Variants in AGO3 observed in about 807,000 individuals in gnomAD.
AGO3 encodes argonaute RISC catalytic component 3.
AGO3 carries 16 observed loss-of-function variants against 105.5 expected under a neutral mutation model. The observed-to-expected ratio is 0.15, with a 90% CI of 0.10 to 0.23. The LOEUF is 0.23. AGO3 is among the 10% of genes least tolerant of loss of function. The pLI is 1.00. For missense variants in AGO3, 534 were observed against 1,088.0 expected, an observed-to-expected ratio of 0.49 and a Z score of 7.16; for synonymous variants, 340 against 367.3, an observed-to-expected ratio of 0.93 and a Z score of 0.85.
At chr1:35,952,134 T>C (rs1646482308) in intron 2 of AGO3, among the ~76,000 whole-genome samples, 1 of 115,748 alleles carries the variant, frequency 8.6e-6, no homozygotes, top group African/African-American at 4.1e-5. Context: ...CTTTCTTTCT[T>C]TCTTTCTTTC....
chr1:36,038,842 T>C (rs1642127197), intron 14 of AGO3, among the ~76,000 whole-genome samples: 1 of 152,162 alleles, frequency 6.6e-6, no homozygotes, highest in Non-Finnish European at 1.5e-5. Flanking sequence ...AATAAGACTG[T>C]ATAGATTCAG....
chr1:35,945,747 C>T lies in AGO3; in HGVS notation c.75C>T (p.Thr25=), dbSNP rs761219693. 2 of 1,613,388 alleles carry T rather than the reference C, an allele frequency of 1.2e-6. No homozygotes were observed. The highest frequency in any genetic ancestry group is 1.7e-6 in the Non-Finnish European group (2 of 1,180,032). Residue 25 remains threonine, a synonymous_variant, in exon 2 of 19, where the codon ACC becomes ACT. Transcript: ENST00000373191. ...TGCCCAGAAGACCTGGCTATGGCAC[C>T]ATGGGCAAACCCATTAAACTGCTGG... The part of the protein sequence containing the change: ...LMVPRRPGYG[T]MGKPIKLLAN...
At chr1:35,961,153 G>A (rs912057586) in intron 2 of AGO3, among the ~76,000 whole-genome samples, 1 of 150,626 alleles carries the variant, frequency 6.6e-6, no homozygotes, top group African/African-American at 2.4e-5. Context: ...GGGTTTCACC[G>A]TGTTAGCCAG....
chr1:35,956,473 C>T (rs1361863186), intron 2 of AGO3, among the ~76,000 whole-genome samples: 1 of 151,958 alleles, frequency 6.6e-6, no homozygotes, highest in Non-Finnish European at 1.5e-5. Flanking sequence ...TAGTTAAAAA[C>T]TGGGGAAGTA....
chr1:36,010,332 A>G, intron 9 of AGO3, among the ~76,000 whole-genome samples: 1 of 151,936 alleles, frequency 6.6e-6, no homozygotes, highest in Non-Finnish European at 1.5e-5. Flanking sequence ...GGCTGGGCTC[A>G]GTGGCTCACA....
At chr1:35,982,805 G>T in intron 5 of AGO3, 1 of 587,382 alleles carries the variant, frequency 1.7e-6, no homozygotes, top group East Asian at 2.9e-5. Context: ...AAAAAACTTT[G>T]GGTGTAGTAC....
At chr1:35,975,513 G>A (rs1180191356) in intron 5 of AGO3, among the ~76,000 whole-genome samples, 1 of 151,622 alleles carries the variant, frequency 6.6e-6, no homozygotes, top group Middle Eastern at 3.2e-3. Flanking sequence ...GTTGCTATTT[G>A]TCTTTTGACC....
chr1:35,979,646 T>G (rs1340220629), intron 5 of AGO3, among the ~76,000 whole-genome samples: 1 of 152,142 alleles, frequency 6.6e-6, no homozygotes, highest in Non-Finnish European at 1.5e-5. Context: ...GTAATTTCCA[T>G]TTTCTGAATG....
chr1:35,991,892 C>T (rs992467593), intron 5 of AGO3, among the ~76,000 whole-genome samples: 3 of 151,994 alleles, frequency 2.0e-5, no homozygotes, highest in African/African-American at 7.3e-5. Context: ...ATTTTGGAGG[C>T]GTTCATCCAA....
chr1:35,932,054 A>G (rs550091370), intron 1 of AGO3, among the ~76,000 whole-genome samples: 1 of 151,762 alleles, frequency 6.6e-6, no homozygotes, highest in Non-Finnish European at 1.5e-5. Context: ...CTGACAGTAT[A>G]TTTTTTTTCA....
chr1:36,031,897 TGG>T (rs1244160683), intron 12 of AGO3, among the ~76,000 whole-genome samples: 1 of 136,226 alleles, frequency 7.3e-6, no homozygotes, highest in South Asian at 2.6e-4. Context: ...TATGTGTGTG[TGG>T]GGGGGCGGGG....
intron 17 of AGO3, among the ~76,000 whole-genome samples, chr1:36,045,423 T>C (rs569329462): frequency 6.6e-6 from 1 of 152,106 alleles, no homozygotes; most frequent in East Asian, 1.9e-4. Context: ...GATTTCACCA[T>C]GATGGCCAGG....
chr1:35,942,832 CTT>C (rs1646280974), intron 1 of AGO3, among the ~76,000 whole-genome samples: 1 of 152,138 alleles, frequency 6.6e-6, no homozygotes, highest in South Asian at 2.1e-4. Context: ...CTGCACAACT[CTT>C]TTCATTTTCT....
At chr1:36,019,489 AG>A (rs1433089081) in intron 11 of AGO3, among the ~76,000 whole-genome samples, 1 of 152,186 alleles carries the variant, frequency 6.6e-6, no homozygotes, top group Non-Finnish European at 1.5e-5. Context: ...AGATTTCTTC[AG>A]CAATGTTCTA....
chr1:36,053,875 A>C (rs754716588), intron 17 of AGO3, among the ~76,000 whole-genome samples: 16 of 150,476 alleles, frequency 1.1e-4, no homozygotes, highest in Non-Finnish European at 2.1e-4. Context: ...CAGCCTCCTG[A>C]GTAGCTGGGC....
At chr1:35,988,068 A>C (rs1647284636) in intron 5 of AGO3, among the ~76,000 whole-genome samples, 1 of 152,154 alleles carries the variant, frequency 6.6e-6, no homozygotes, top group Non-Finnish European at 1.5e-5. Context: ...ACTCTGTCTC[A>C]AAGAAGAAAA....
At chr1:35,966,933 A>C in intron 2 of AGO3, 22 bp from the exon 3 acceptor site, 1 of 1,596,196 alleles carries the variant, frequency 6.3e-7, no homozygotes, top group Non-Finnish European at 8.5e-7. Context: ...GATTATGTGA[A>C]TATATTGTTT....
intron 17 of AGO3, among the ~76,000 whole-genome samples, chr1:36,053,961 A>G (rs1459546171): frequency 6.6e-6 from 1 of 151,232 alleles, no homozygotes; most frequent in Non-Finnish European, 1.5e-5. Context: ...ATTAGCCAGG[A>G]TGGTCTTGAT....
Position 36,062,364 on chromosome 1 carries a change from G to A in AGO3, c.*6619G>A, listed in dbSNP as rs1157768682. 1 of 151,930 alleles carries A rather than the reference G, an allele frequency of 6.6e-6. No homozygotes were observed. Among genetic ancestry groups the A allele is most frequent in the African/African-American group, 2.4e-5 (1 of 41,356 alleles). The allele number at this position is 151,930 out of a possible 1,614,324, so 9.4% of individuals were successfully genotyped here. On this transcript the variant is annotated 3_prime_UTR_variant, in exon 19 of 19. Coordinates refer to ENST00000373191, the MANE Select transcript of AGO3 (RefSeq NM_024852.4). Reference sequence around the variant, plus strand: ...TTATTAAGGAGGACTGCTCATAAAGGCAGTACCAAATCATCATTCAGATCA... The same window carrying A: ...TTATTAAGGAGGACTGCTCATAAAGACAGTACCAAATCATCATTCAGATCA...
Sources: gnomAD v4.1 joint callset for allele counts (sites outside exome capture counted in the v4.1 genomes callset) on GRCh38, gnomAD v4.1.1 for gene constraint, MANE v1.5 for transcripts, NCBI Gene and HGNC (gene_info 2026-07-23, HGNC 2026-07-21) for gene names.